DIS3L2: variants seen among roughly 807,000 people sequenced by gnomAD.
DIS3L2 encodes DIS3 like 3'-5' exoribonuclease 2.
Under a neutral mutation model 97.5 loss-of-function variants are expected in DIS3L2, and 34 were observed. The observed-to-expected ratio is 0.35, with a 90% CI of 0.27 to 0.46. The LOEUF (loss-of-function observed/expected upper bound fraction) is 0.46, where lower values mean the gene tolerates loss of function less well. Ranked by LOEUF, DIS3L2 falls within the 20% of genes least tolerant of loss-of-function variation. The pLI, the probability that DIS3L2 is intolerant of heterozygous loss-of-function variation, is 1.00. For missense variants in DIS3L2, 1,038 were observed against 1,146.0 expected, an observed-to-expected ratio of 0.91 and a Z score of 1.36; for synonymous variants, 435 against 445.2, an observed-to-expected ratio of 0.98 and a Z score of 0.29.
intron 5 of DIS3L2, among the ~76,000 whole-genome samples, chr2:232,076,302 A>G (rs1337071343): frequency 1.3e-5 from 2 of 152,144 alleles, no homozygotes; most frequent in Non-Finnish European, 2.9e-5. Context: ...AGGGCAGTGT[A>G]GTGGAATAAG....
chr2:232,264,322 G>T (rs902237400), intron 13 of DIS3L2, among the ~76,000 whole-genome samples: 1 of 152,180 alleles, frequency 6.6e-6, no homozygotes. Context: ...GTAGAACACT[G>T]GCTATTGAAT....
At chr2:232,113,560 C>G (rs1334114703) in intron 6 of DIS3L2, among the ~76,000 whole-genome samples, 1 of 152,152 alleles carries the variant, frequency 6.6e-6, no homozygotes, top group African/African-American at 2.4e-5. Context: ...GGTCTTCACC[C>G]TTTTTCCATC....
chr2:232,246,230 C>T, intron 11 of DIS3L2, among the ~76,000 whole-genome samples: 1 of 152,262 alleles, frequency 6.6e-6, no homozygotes, highest in East Asian at 1.9e-4. Flanking sequence ...ACAGCACACA[C>T]TCTGCCTGGG....
chr2:232,238,484 T>C (rs1692993841), intron 10 of DIS3L2, 49 bp from the exon 11 acceptor site: 3 of 1,496,576 alleles, frequency 2.0e-6, no homozygotes, highest in East Asian at 2.3e-5. Flanking sequence ...TGGGAGAGAA[T>C]GCTGTGGCCT....
chr2:232,133,068 C>G (rs1698263612), intron 7 of DIS3L2, among the ~76,000 whole-genome samples: 1 of 152,158 alleles, frequency 6.6e-6, no homozygotes, highest in Admixed American at 6.5e-5. Context: ...TCCAGGAAGC[C>G]TCTTTATCCT....
chr2:232,012,491 C>CTGG (rs754309766), intron 1 of DIS3L2, among the ~76,000 whole-genome samples: 2,124 of 152,212 alleles, frequency 0.014, 21 homozygotes, highest in Non-Finnish European at 0.021. Context: ...ATTTTCAATT[C>CTGG]CAGCGCTTGT....
At chr2:232,106,894 A>G (rs1302245873) in intron 6 of DIS3L2, among the ~76,000 whole-genome samples, 1 of 152,254 alleles carries the variant, frequency 6.6e-6, no homozygotes, top group African/African-American at 2.4e-5. Flanking sequence ...AACTGAAATC[A>G]TAACAAATGG....
intron 5 of DIS3L2, among the ~76,000 whole-genome samples, chr2:232,083,160 G>A (rs1296900499): frequency 1.3e-5 from 2 of 151,946 alleles, no homozygotes; most frequent in Non-Finnish European, 2.9e-5. Flanking sequence ...TTGGGTGGGG[G>A]CACAGCCAAA....
intron 6 of DIS3L2, among the ~76,000 whole-genome samples, chr2:232,113,011 G>GA (rs1019026205): frequency 2.0e-5 from 3 of 151,756 alleles, no homozygotes; most frequent in East Asian, 3.9e-4. Context: ...AAGGAGGCTA[G>GA]AAAAAAAATG....
chr2:232,317,012 C>T (rs1166873870), intron 14 of DIS3L2, among the ~76,000 whole-genome samples: 1 of 152,208 alleles, frequency 6.6e-6, no homozygotes, highest in East Asian at 1.9e-4. Flanking sequence ...TTAACTCTCA[C>T]ATCCTTAAGG....
At chr2:232,112,275 G>A (rs1369074041) in intron 6 of DIS3L2, among the ~76,000 whole-genome samples, 5 of 152,174 alleles carry the variant, frequency 3.3e-5, no homozygotes, top group Non-Finnish European at 7.3e-5. Context: ...TCATGGGGCT[G>A]GAGGCCATTA....
At chr2:232,020,859 G>A (rs963076701) in intron 3 of DIS3L2, among the ~76,000 whole-genome samples, 6 of 152,138 alleles carry the variant, frequency 3.9e-5, no homozygotes, top group Admixed American at 1.3e-4. Context: ...GTGGCATGTC[G>A]TATGCCTGCA....
At chr2:232,088,264 G>C (rs1696725577) in intron 6 of DIS3L2, among the ~76,000 whole-genome samples, 2 of 141,326 alleles carry the variant, frequency 1.4e-5, no homozygotes, top group Non-Finnish European at 3.1e-5. Flanking sequence ...AGCCAGGCGT[G>C]GGCCGGGCGC....
intron 3 of DIS3L2, among the ~76,000 whole-genome samples, chr2:232,021,404 A>G (rs906385347): frequency 5.3e-5 from 8 of 152,126 alleles, no homozygotes; most frequent in African/African-American, 1.9e-4. Flanking sequence ...GGTTTCTACC[A>G]TAAGTAGACA....
chr2:232,127,040 C>A (rs1698080677), intron 6 of DIS3L2, among the ~76,000 whole-genome samples: 1 of 152,126 alleles, frequency 6.6e-6, no homozygotes, highest in South Asian at 2.1e-4. Flanking sequence ...GAACATTATC[C>A]CTTACTTTTG....
Position 232,254,427 on chromosome 2 carries a change from A to G in DIS3L2, c.1425+5081A>G, listed in dbSNP as rs549214955. Among the ~76,000 whole-genome samples, 240 of 152,318 alleles carry G rather than the reference A, an allele frequency of 1.6e-3. 1 individual carries two copies. The highest frequency in any genetic ancestry group is 5.5e-3 in the African/African-American group (228 of 41,562). ...CAGTAGGAAATAAAATCGAATGCCA[A>G]TAGCGGTTATGTTTGGGTAGTAAAA... On this transcript the variant is annotated intron_variant, in intron 12 of 20. Coordinates refer to ENST00000325385, the MANE Select transcript of DIS3L2 (RefSeq NM_152383.5).
At chr2:232,342,219 A>G (rs1460010873) in intron 13 of DIS3L2, among the ~76,000 whole-genome samples, 5 of 150,234 alleles carry the variant, frequency 3.3e-5, no homozygotes, top group African/African-American at 1.0e-4. Context: ...ACACATATAT[A>G]CACATACATA....
rs561014778 is a variant in DIS3L2, at chr2:232,286,337, T to C, written c.1660-13703T>C. On this transcript the variant is annotated intron_variant, in intron 13 of 20. Coordinates refer to ENST00000325385, the MANE Select transcript of DIS3L2 (RefSeq NM_152383.5). ...CCACAGGAGAGCAGTGTAGTGGTAG[T>C]GGGGCTGCTGAGGCAGACAGCAAGG... Among the ~76,000 whole-genome samples the C allele has an allele frequency of 1.5e-3, 236 of 152,318 alleles. 4 individuals are homozygous for C. The highest frequency in any genetic ancestry group is 8.8e-5 in the Non-Finnish European group (6 of 68,030).
intron 5 of DIS3L2, among the ~76,000 whole-genome samples, chr2:232,074,725 C>G (rs1378782006): frequency 6.6e-6 from 1 of 152,070 alleles, no homozygotes; most frequent in East Asian, 1.9e-4. Context: ...GCTGGGACCA[C>G]AGGCGCATGT....
Sources: gnomAD v4.1 joint callset for allele counts (sites outside exome capture counted in the v4.1 genomes callset) on GRCh38, gnomAD v4.1.1 for gene constraint, MANE v1.5 for transcripts, NCBI Gene and HGNC (gene_info 2026-07-23, HGNC 2026-07-21) for gene names.